PPFIBP2: variants seen among roughly 807,000 people sequenced by gnomAD.
PPFIBP2 encodes the protein PPFIB scaffold protein 2.
A neutral mutation model predicts 118.3 loss-of-function variants in PPFIBP2; 118 were observed. The ratio of observed to expected loss-of-function variants is 1.00; its 90% CI spans 0.86 to 1.16. PPFIBP2 has a LOEUF of 1.16. PPFIBP2 is among the 50% of genes most tolerant of loss of function. The pLI is 0.00. For synonymous variants in PPFIBP2, 414 were observed against 397.4 expected, an observed-to-expected ratio of 1.04 and a Z score of -0.50; for missense variants, 1,195 against 1,073.1, an observed-to-expected ratio of 1.11 and a Z score of -1.59.
the PPFIBP2 span, chr11:7,666,172 G>T: frequency 1.7e-6 from 1 of 599,164 alleles, no homozygotes; most frequent in Non-Finnish European, 3.0e-6. Context: ...ATGGGTGGGT[G>T]TTCACAGTGG....
chr11:7,598,772 T>G (rs1360645144), intron 5 of PPFIBP2, among the ~76,000 whole-genome samples: 1 of 150,332 alleles, frequency 6.7e-6, no homozygotes, highest in Non-Finnish European at 1.5e-5. Context: ...AGCATAAGAC[T>G]CAGATTGTTT....
chr11:7,598,056 C>T (rs117902373), intron 5 of PPFIBP2: 434 of 170,714 alleles, frequency 2.5e-3, no homozygotes, highest in Non-Finnish European at 4.6e-3. Context: ...CCATCTCGCT[C>T]TGCCTCTTCC....
At chr11:7,568,410 A>G (rs1262811914) in intron 3 of PPFIBP2, among the ~76,000 whole-genome samples, 1 of 152,222 alleles carries the variant, frequency 6.6e-6, no homozygotes, top group Non-Finnish European at 1.5e-5. Context: ...CTTACAAGAC[A>G]CAACTATACA....
intron 21 of PPFIBP2, 57 bp downstream of exon 21, chr11:7,649,711 C>A (rs200518620): frequency 6.3e-7 from 1 of 1,599,930 alleles, no homozygotes; most frequent in Non-Finnish European, 8.5e-7. Flanking sequence ...CCTGAAACAT[C>A]GAGCATGAGC....
chr11:7,610,471 A>T (rs747516227), intron 6 of PPFIBP2, 49 bp downstream of exon 6: 3 of 1,594,814 alleles, frequency 1.9e-6, no homozygotes, highest in Non-Finnish European at 2.6e-6. Flanking sequence ...GAAGGCTGTC[A>T]TAATGTGAAT....
At chr11:7,587,896 A>G (rs992849573) in intron 3 of PPFIBP2, among the ~76,000 whole-genome samples, 19 of 152,350 alleles carry the variant, frequency 1.2e-4, no homozygotes, top group African/African-American at 2.9e-4. Context: ...TACACAAACA[A>G]TAGATTCCAT....
chr11:7,636,902 T>C (rs1851528102), intron 14 of PPFIBP2, among the ~76,000 whole-genome samples: 1 of 152,226 alleles, frequency 6.6e-6, no homozygotes, highest in African/African-American at 2.4e-5. Flanking sequence ...CACAGTCATC[T>C]TTCTGCAGCA....
chr11:7,649,549 A>G lies in PPFIBP2; in HGVS notation c.2016A>G (p.Leu672=), dbSNP rs138165324. The change falls in exon 21 of 24, where the codon TTA becomes TTG. Residue 672 remains leucine, a synonymous_variant. Coordinates refer to ENST00000299492, the MANE Select transcript of PPFIBP2 (RefSeq NM_003621.5). ...QYLTVNDLLF[L]KVTSQLHHLS... is the part of the protein sequence containing the mutation. ...TCTTTCAGAACGATTTACTCTTCTT[A>G]AAAGTCACCAGCCAACTACATCATC... is the stretch of plus-strand genomic sequence containing the variant. 6.2e-7 allele frequency: 1 copy of G among 1,614,080 alleles called. No homozygotes were observed. Among genetic ancestry groups the G allele is most frequent in the Non-Finnish European group, 8.5e-7 (1 of 1,180,032 alleles).
At chr11:7,547,400 G>T (rs1852442039) in intron 1 of PPFIBP2, among the ~76,000 whole-genome samples, 1 of 152,192 alleles carries the variant, frequency 6.6e-6, no homozygotes, top group South Asian at 2.1e-4. Context: ...CCTGAAACCT[G>T]CTTCATAGGC....
At chr11:7,666,547 C>T in the PPFIBP2 span, 13 of 1,612,392 alleles carry the variant, frequency 8.1e-6, no homozygotes, top group East Asian at 2.2e-5. Context: ...ATATCCTCCT[C>T]TGTCTAGAAA....
At chr11:7,622,560 T>C (rs1849479159) in intron 7 of PPFIBP2, among the ~76,000 whole-genome samples, 2 of 152,268 alleles carry the variant, frequency 1.3e-5, no homozygotes, top group Non-Finnish European at 2.9e-5. Context: ...AATATTTATG[T>C]AATCTAGTGT....
chr11:7,591,769 A>T (rs909530787), intron 3 of PPFIBP2, among the ~76,000 whole-genome samples: 1 of 152,202 alleles, frequency 6.6e-6, no homozygotes, highest in South Asian at 2.1e-4. Context: ...TGCACCTTCA[A>T]CAAACAATCA....
chr11:7,619,236 CAA>C (rs112158254), intron 6 of PPFIBP2, among the ~76,000 whole-genome samples: 3 of 152,184 alleles, frequency 2.0e-5, no homozygotes, highest in African/African-American at 7.2e-5. Context: ...CAGAGTACAA[CAA>C]GAGAATATAG....
At position 7,653,443 on chromosome 11, in the gene PPFIBP2, G is replaced by A. The variant is rs1402856679; in HGVS notation, c.*225G>A. On this transcript the variant is annotated 3_prime_UTR_variant, in exon 24 of 24. Coordinates refer to ENST00000299492, the MANE Select transcript of PPFIBP2 (RefSeq NM_003621.5). ...GGACCATTGCCAAAGGTGGACTCAGGAGGAAAGACACTTAAAGACACTTTT... is the reference window on the plus strand; with the variant it reads ...GGACCATTGCCAAAGGTGGACTCAGAAGGAAAGACACTTAAAGACACTTTT... The A allele has an allele frequency of 2.0e-6, 3 of 1,506,342 alleles. No individual in the cohort carries two copies. In the African/African-American group the frequency reaches 4.1e-5, roughly 21 times the overall value. 93.3% of individuals were successfully genotyped at this position (1,506,342 alleles called of 1,614,324 possible). A position where few individuals can be genotyped will look rare whatever the true frequency, so the allele number is the denominator to read the frequency against.
intron 1 of PPFIBP2, among the ~76,000 whole-genome samples, chr11:7,548,071 C>T (rs750027258): frequency 1.3e-5 from 2 of 152,140 alleles, no homozygotes; most frequent in Non-Finnish European, 2.9e-5. Flanking sequence ...GCTTAGTGCT[C>T]TCTACATAAT....
At chr11:7,655,464 T>C, downstream of PPFIBP2, 1 of 1,289,790 alleles carries the variant, frequency 7.8e-7, no homozygotes, top group Non-Finnish European at 1.0e-6. Context: ...GTGACGCAGA[T>C]AGGGCTCCTC....
At chr11:7,562,992 T>C (rs7118139) in intron 2 of PPFIBP2, among the ~76,000 whole-genome samples, 28,766 of 139,566 alleles carry the variant, frequency 0.21, 3,343 homozygotes, top group African/African-American at 0.23. Flanking sequence ...CACACACACA[T>C]ATGCCTGTAA....
chr11:7,665,271 T>G, the PPFIBP2 span: 14 of 1,057,826 alleles, frequency 1.3e-5, 1 homozygote, highest in Middle Eastern at 6.3e-4. Flanking sequence ...CGAAGGTACA[T>G]GGCAAGGCAC....
intron 1 of PPFIBP2, chr11:7,548,510 T>C (rs1471024662): frequency 6.6e-6 from 1 of 152,178 alleles, no homozygotes; most frequent in East Asian, 1.9e-4. Flanking sequence ...GTGAGCTAAT[T>C]CTCTTGGGAT....
Sources: gnomAD v4.1 joint callset for allele counts (sites outside exome capture counted in the v4.1 genomes callset) on GRCh38, gnomAD v4.1.1 for gene constraint, MANE v1.5 for transcripts, NCBI Gene and HGNC (gene_info 2026-07-23, HGNC 2026-07-21) for gene names.